KCNQ1: variants seen among roughly 807,000 people sequenced by gnomAD.
KCNQ1 encodes the protein potassium voltage-gated channel subfamily KQT member 1.
Under a neutral mutation model 72.4 loss-of-function variants are expected in KCNQ1, and 49 were observed. That is an observed-to-expected ratio of 0.68 (90% CI 0.54 to 0.86). KCNQ1 has a LOEUF of 0.86. Ranked by LOEUF, KCNQ1 falls within the 40% of genes least tolerant of loss-of-function variation. KCNQ1 has a pLI of 0.00. For synonymous variants in KCNQ1, 450 were observed against 412.6 expected (o/e 1.09, Z -1.10); for missense variants, 790 against 945.1 (o/e 0.84, Z 2.15).
chr11:2,650,955 C>G, intron 10 of KCNQ1: 1 of 397,354 alleles, frequency 2.5e-6, no homozygotes, highest in African/African-American at 2.1e-5. Flanking sequence ...CTTAGTACCC[C>G]TTTCTAATCT....
rs148804308 is a variant in KCNQ1, at chr11:2,471,626, G to A, written c.386+26142G>A. Among the ~76,000 whole-genome samples the A allele has an allele frequency of 2.0e-3, 304 of 151,710 alleles. No homozygotes were observed. The highest frequency in any genetic ancestry group is 6.0e-3 in the African/African-American group (249 of 41,374). ...CACCTGTGTATATGGGTGTGTGCAC[G>A]TATGCACGGATGTGTGTACACATGT... On this transcript the variant is annotated intron_variant, in intron 1 of 15. Coordinates refer to ENST00000155840, the MANE Select transcript of KCNQ1 (RefSeq NM_000218.3). The surrounding 1 kb of genome is among the most constrained non-coding windows in gnomAD (Gnocchi z 4.8).
At chr11:2,770,602 G>A (rs750297932) in intron 12 of KCNQ1, among the ~76,000 whole-genome samples, 3 of 152,256 alleles carry the variant, frequency 2.0e-5, no homozygotes, top group Non-Finnish European at 4.4e-5. Context: ...TGACTCAACT[G>A]AACCAAGTTG....
In KCNQ1 at chr11:2,676,363, G is replaced by A. The variant is rs985963233; in HGVS notation, c.1514+14282G>A. 5.0e-6 allele frequency: 2 copies of A among 398,690 alleles called. No individual in the cohort carries two copies. The highest frequency in any genetic ancestry group is 1.3e-4 in the South Asian group (1 of 7,862). 24.7% of individuals were successfully genotyped at this position (398,690 alleles called of 1,614,324 possible). ...CTGTTTTCTCATGGTTGGGCTTCCAGTATAATTGGAAGGAGCATAGTCTCT... is the reference window on the plus strand; with the variant it reads ...CTGTTTTCTCATGGTTGGGCTTCCAATATAATTGGAAGGAGCATAGTCTCT... On this transcript the variant is annotated intron_variant, in intron 11 of 15. Transcript: ENST00000155840. This position sits in a 1 kb window ranked among gnomAD's most constrained non-coding sequence, Gnocchi z 4.2.
intron 1 of KCNQ1, among the ~76,000 whole-genome samples, chr11:2,496,284 A>C (rs1054641193): frequency 6.6e-6 from 1 of 151,826 alleles, no homozygotes; most frequent in African/African-American, 2.4e-5. Context: ...AAAATACAAA[A>C]AAATTAGTCA....
At chr11:2,672,376 T>A (rs908273142) in intron 11 of KCNQ1, 1 of 346,554 alleles carries the variant, frequency 2.9e-6, no homozygotes, top group Admixed American at 5.3e-5. Flanking sequence ...CAGGCTGATA[T>A]GATTGAGCTC....
At chr11:2,775,513 G>A (rs1241405391) in intron 12 of KCNQ1, among the ~76,000 whole-genome samples, 1 of 152,248 alleles carries the variant, frequency 6.6e-6, no homozygotes, top group Non-Finnish European at 1.5e-5. Context: ...GCTGCAGCCA[G>A]TGAGCATGTC....
In KCNQ1 at chr11:2,570,682, G is replaced by T; in HGVS notation, c.532G>T (p.Ala178Ser). Residue 178 changes from alanine to serine, a missense_variant, in exon 3 of 16, where the codon GCC becomes TCC. Physicochemically the swap from Ala to Ser is moderately conservative, Grantham distance 99. Transcript: ENST00000155840. ...GTEYVVRLWS[A>S]GCRSKYVGLW... ...GGAGTACGTGGTCCGCCTCTGGTCC[G>T]CCGGCTGCCGCAGCAAGTACGTGGG... 3 of 1,612,274 alleles carry T rather than the reference G, an allele frequency of 1.9e-6. No homozygotes were observed. Among genetic ancestry groups the T allele is most frequent in the Non-Finnish European group, 2.5e-6 (3 of 1,179,986 alleles).
At chr11:2,681,521 C>G (rs1488993189) in intron 11 of KCNQ1, 1 of 398,442 alleles carries the variant, frequency 2.5e-6, no homozygotes, top group Non-Finnish European at 4.4e-6. Flanking sequence ...CCAGGTTAAG[C>G]CAGCCCATGA....
rs1564844096 is a variant in KCNQ1 at position 2,647,015 on chromosome 11, T to C, written c.1394-14946T>C. 2 of 398,492 alleles carry C rather than the reference T, an allele frequency of 5.0e-6. No individual in the cohort carries two copies. Among genetic ancestry groups the C allele is most frequent in the Non-Finnish European group, 8.8e-6 (2 of 226,062 alleles). 24.7% of individuals were successfully genotyped at this position (398,492 alleles called of 1,614,324 possible). The stretch of plus-strand genomic sequence containing the variant: ...CTAATTGTTCTGGTGAGGACTTTTC[T>C]TACTCTGCTGAATAAGAATAGTGAA... On this transcript the variant is annotated intron_variant, in intron 10 of 15. Coordinates refer to ENST00000155840, the MANE Select transcript of KCNQ1 (RefSeq NM_000218.3). The surrounding 1 kb of genome is among the most constrained non-coding windows in gnomAD (Gnocchi z 4.0).
rs1379167760 is a variant in KCNQ1, at chr11:2,824,227, G to C, written c.1795-23540G>C. 6.6e-6 allele frequency among the ~76,000 whole-genome samples: 1 copy of C among 152,144 alleles called. No individual in the cohort carries two copies. The highest frequency in any genetic ancestry group is 2.4e-5 in the African/African-American group (1 of 41,424). On this transcript the variant is annotated intron_variant, in intron 15 of 15. Transcript: ENST00000155840. This position sits in a 1 kb window ranked among gnomAD's most constrained non-coding sequence, Gnocchi z 5.9. ...TGAAGTGTGAGGCTGTCCATGGAGG[G>C]GCCAGAGTAGAGGGGAGGTGGGTGA...
In KCNQ1 at chr11:2,573,037, G is replaced by A. The variant is rs771695433; in HGVS notation, c.921+51G>A. On this transcript the variant is annotated intron_variant, in intron 6 of 15. Transcript: ENST00000155840. ...GGACAGGGGCAGCTCAGGCTGAGGA[G>A]TGGGCAGGACATCTGGGCACTGGTG... is the stretch of plus-strand genomic sequence containing the variant. 6 of 1,595,514 alleles carry A rather than the reference G, an allele frequency of 3.8e-6. No individual in the cohort carries two copies. In the South Asian group the frequency reaches 5.6e-5, roughly 15 times the overall value.
In KCNQ1 at chr11:2,550,126, G is replaced by A. The variant is rs531138499; in HGVS notation, c.478-20502G>A. ...AGATGAGAGATGCTCAGAGTTGTCT[G>A]TAGAGAACCAGAGCTGCCGAGCCCC... On this transcript the variant is annotated intron_variant, in intron 2 of 15. Coordinates refer to ENST00000155840, the MANE Select transcript of KCNQ1 (RefSeq NM_000218.3). This position sits in a 1 kb window ranked among gnomAD's most constrained non-coding sequence, Gnocchi z 6.0. Among the ~76,000 whole-genome samples the A allele has an allele frequency of 5.3e-5, 8 of 152,342 alleles. No homozygotes were observed. In the South Asian group the frequency reaches 1.4e-3, roughly 28 times the overall value.
chr11:2,570,773 G>A lies in KCNQ1; in HGVS notation c.604+19G>A, dbSNP rs780717196. On this transcript the variant is annotated intron_variant, in intron 3 of 15. Coordinates refer to ENST00000155840, the MANE Select transcript of KCNQ1 (RefSeq NM_000218.3). ...ATCATCGGTGAGTCATGCCTGCCCT[G>A]TGGAGGTCACGCCCAGGTTTCCAGA... The A allele has an allele frequency of 5.6e-6, 9 of 1,608,528 alleles. No homozygotes were observed. Among genetic ancestry groups the A allele is most frequent in the Middle Eastern group, 1.6e-4 (1 of 6,084 alleles).
intron 12 of KCNQ1, among the ~76,000 whole-genome samples, chr11:2,775,487 C>G (rs1488542486): frequency 6.6e-6 from 1 of 152,220 alleles, no homozygotes; most frequent in Non-Finnish European, 1.5e-5. Flanking sequence ...CGCTCCCTAC[C>G]CTGAGGACAG....
intron 10 of KCNQ1, chr11:2,616,643 A>G: frequency 2.5e-6 from 1 of 398,180 alleles, no homozygotes; most frequent in Non-Finnish European, 4.4e-6. Context: ...CTTCTTTGAC[A>G]CAATAATTTT....
chr11:2,813,845 A>T lies in KCNQ1; in HGVS notation c.1795-33922A>T, dbSNP rs1847544104. Among the ~76,000 whole-genome samples the T allele has an allele frequency of 6.6e-6, 1 of 151,954 alleles. No homozygotes were observed. The highest frequency in any genetic ancestry group is 1.5e-5 in the Non-Finnish European group (1 of 67,976). On this transcript the variant is annotated intron_variant, in intron 15 of 15. Transcript: ENST00000155840. The surrounding 1 kb of genome is among the most constrained non-coding windows in gnomAD (Gnocchi z 4.4). Reference sequence around the variant, plus strand: ...GAGTGAGTGGCGGATGAGTAGGTAGATGGACGGGGAGCTGCAGGGAGGGAG... The same window carrying T: ...GAGTGAGTGGCGGATGAGTAGGTAGTTGGACGGGGAGCTGCAGGGAGGGAG...
intron 10 of KCNQ1, chr11:2,631,639 T>G: frequency 2.5e-6 from 1 of 398,566 alleles, no homozygotes; most frequent in East Asian, 3.6e-5. Flanking sequence ...GTTTCCTTGG[T>G]TTTTCTGTTT....
chr11:2,699,551 C>T (rs1026737265), intron 11 of KCNQ1: 9 of 332,992 alleles, frequency 2.7e-5, no homozygotes, highest in Non-Finnish European at 4.6e-5. Context: ...GGGAGGACCG[C>T]GCGGAGGAGA....
At position 2,781,003 on chromosome 11, in the gene KCNQ1, G is replaced by A. The variant is rs1846813793; in HGVS notation, c.1794+2966G>A. Among the ~76,000 whole-genome samples, 2 of 152,134 alleles carry A rather than the reference G, an allele frequency of 1.3e-5. No individual in the cohort carries two copies. Among genetic ancestry groups the A allele is most frequent in the Admixed American group, 1.3e-4 (2 of 15,282 alleles). ...TAGGTTCTGCCTCACTCCAGGGTGT[G>A]GAGAGCAGAAACCCACCCACACCCG... is the stretch of plus-strand genomic sequence containing the variant. On this transcript the variant is annotated intron_variant, in intron 15 of 15. Transcript: ENST00000155840. This position sits in a 1 kb window ranked among gnomAD's most constrained non-coding sequence, Gnocchi z 6.6.
Sources: allele counts gnomAD v4.1 joint callset (sites outside exome capture counted in the v4.1 genomes callset), GRCh38; gene constraint gnomAD v4.1.1; non-coding constraint Gnocchi (gnomAD v3.1); transcripts MANE v1.5; gene names NCBI Gene and HGNC (gene_info 2026-07-23, HGNC 2026-07-21).